Variants in FANK1 observed in about 807,000 individuals in gnomAD.
The protein encoded by FANK1 is fibronectin type III and ankyrin repeat domains 1.
In FANK1, 44 loss-of-function variants were observed where a neutral mutation model predicts 45.3. That is an observed-to-expected ratio of 0.97 (90% confidence interval 0.76 to 1.25). The LOEUF (loss-of-function observed/expected upper bound fraction) is 1.25. Among genes scored for constraint, FANK1 ranks in the 50% most tolerant of loss-of-function variants. The pLI is 0.00. For synonymous variants in FANK1, 149 were observed against 152.5 expected, an observed-to-expected ratio of 0.98 and a Z score of 0.17; for missense variants, 391 against 424.4, an observed-to-expected ratio of 0.92 and a Z score of 0.69.
chr10:125,991,646 T>TC (rs976155836), intron 3 of FANK1, among the ~76,000 whole-genome samples: 4 of 151,768 alleles, frequency 2.6e-5, no homozygotes, highest in East Asian at 1.9e-4. Flanking sequence ...GCCTTTTTTT[T>TC]CCCCCCAGGT....
At chr10:125,929,573 A>G (rs1256421487) in intron 1 of FANK1, among the ~76,000 whole-genome samples, 1 of 152,186 alleles carries the variant, frequency 6.6e-6, no homozygotes, top group African/African-American at 2.4e-5. Flanking sequence ...GATCTTTATG[A>G]AAAATTTTAC....
intron 1 of FANK1, among the ~76,000 whole-genome samples, chr10:125,952,616 C>G (rs1564907616): frequency 6.6e-6 from 1 of 152,036 alleles, no homozygotes; most frequent in Non-Finnish European, 1.5e-5. Flanking sequence ...TTTCCAGCAG[C>G]TCAGGTGTCA....
At chr10:125,912,245 A>G (rs1946073836) in intron 1 of FANK1, among the ~76,000 whole-genome samples, 2 of 152,210 alleles carry the variant, frequency 1.3e-5, no homozygotes, top group Admixed American at 1.3e-4. Flanking sequence ...CACATGAGAT[A>G]AACCTGTTTG....
intron 8 of FANK1, 118 bp from the exon 9 acceptor site, chr10:126,008,936 G>T: frequency 1.1e-6 from 1 of 879,568 alleles, no homozygotes; most frequent in East Asian, 2.5e-5. Flanking sequence ...AAGCCACAGT[G>T]GTCTTTTGGG....
rs560535602 is a variant in FANK1 at position 125,933,034 on chromosome 10, A to G, written c.13+36379A>G. Among the ~76,000 whole-genome samples the G allele has an allele frequency of 1.3e-5, 2 of 152,288 alleles. 1 individual carries two copies. Among genetic ancestry groups the G allele is most frequent in the East Asian group, 3.9e-4 (2 of 5,172 alleles). On this transcript the variant is annotated intron_variant, in intron 1 of 10. Transcript: ENST00000368693. Reference sequence around the variant, plus strand: ...CTTGCATATGTTAAACCATCCCTGCATCCCTGGTATGAAATCCATTTGATC... The same window carrying G: ...CTTGCATATGTTAAACCATCCCTGCGTCCCTGGTATGAAATCCATTTGATC...
intron 1 of FANK1, among the ~76,000 whole-genome samples, chr10:125,928,494 T>A (rs1169879571): frequency 2.0e-5 from 3 of 152,160 alleles, no homozygotes; most frequent in Non-Finnish European, 2.9e-5. Flanking sequence ...ATCCTATAAC[T>A]AAGAATTTCA....
At chr10:125,968,951 C>T (rs1950330290) in intron 1 of FANK1, among the ~76,000 whole-genome samples, 1 of 152,148 alleles carries the variant, frequency 6.6e-6, no homozygotes, top group African/African-American at 2.4e-5. Context: ...CCATTTATTA[C>T]TTGACAAGTG....
At chr10:126,004,584 G>T in intron 6 of FANK1, 1 of 315,742 alleles carries the variant, frequency 3.2e-6, no homozygotes, top group Non-Finnish European at 6.1e-6. Context: ...AGATGTGCCT[G>T]TTCTGGACAT....
At chr10:125,979,908 C>G in intron 1 of FANK1, 2 of 599,450 alleles carry the variant, frequency 3.3e-6, no homozygotes, top group South Asian at 3.1e-5. Context: ...TTGGAAGGGT[C>G]AGTGGGGGTG....
chr10:125,927,028 T>C (rs1311637689), intron 1 of FANK1, among the ~76,000 whole-genome samples: 2 of 152,204 alleles, frequency 1.3e-5, no homozygotes, highest in African/African-American at 4.8e-5. Context: ...TCTTACCTCC[T>C]CTCGAGGCAG....
chr10:125,932,551 G>A (rs1947821788), intron 1 of FANK1, among the ~76,000 whole-genome samples: 1 of 151,774 alleles, frequency 6.6e-6, no homozygotes. Context: ...ACATTGATTT[G>A]TGTACATTAA....
chr10:125,898,008 A>AG (rs1944705920), intron 1 of FANK1, among the ~76,000 whole-genome samples: 1 of 95,524 alleles, frequency 1.0e-5, no homozygotes, highest in Non-Finnish European at 2.3e-5. Context: ...CAAAAAAAAA[A>AG]AAAAAAAAAA....
At chr10:125,997,544 T>C in intron 6 of FANK1, 59 bp downstream of exon 6, 1 of 1,531,780 alleles carries the variant, frequency 6.5e-7, no homozygotes, top group Non-Finnish European at 9.0e-7. Flanking sequence ...GTTGCTAGGC[T>C]TGTGCCCAGA....
chr10:126,007,359 G>GTGTGTAAAGAGGGTTGAAAGC (rs1279172550), intron 7 of FANK1, among the ~76,000 whole-genome samples: 1 of 152,254 alleles, frequency 6.6e-6, no homozygotes, highest in East Asian at 1.9e-4. Context: ...AAGAGAAAGT[G>GTGTGTAAAGAGGGTTGAAAGC]TGTGTAAAGA....
chr10:125,964,281 C>T (rs1031272258), intron 1 of FANK1, among the ~76,000 whole-genome samples: 2 of 149,664 alleles, frequency 1.3e-5, no homozygotes, highest in African/African-American at 4.9e-5. Flanking sequence ...CAACCTCCAC[C>T]TCCTGGACTC....
chr10:125,933,796 C>G (rs1947903059), intron 1 of FANK1, among the ~76,000 whole-genome samples: 1 of 152,122 alleles, frequency 6.6e-6, no homozygotes, highest in Non-Finnish European at 1.5e-5. Context: ...CTTAGCACCA[C>G]CTTTGCTGTA....
At chr10:125,984,620 G>A (rs1192940996) in intron 2 of FANK1, among the ~76,000 whole-genome samples, 1 of 152,166 alleles carries the variant, frequency 6.6e-6, no homozygotes, top group South Asian at 2.1e-4. Context: ...AAGGGTCTGG[G>A]TTGGAGAGAC....
At chr10:125,934,382 T>G (rs537953865) in intron 1 of FANK1, among the ~76,000 whole-genome samples, 2 of 152,274 alleles carry the variant, frequency 1.3e-5, no homozygotes, top group African/African-American at 2.4e-5. Context: ...CTGCCTGTTT[T>G]GGGGCAGCAT....
chr10:125,962,736 A>G (rs941505916), intron 1 of FANK1, among the ~76,000 whole-genome samples: 1 of 152,066 alleles, frequency 6.6e-6, no homozygotes, highest in Non-Finnish European at 1.5e-5. Context: ...TAATTGTGTC[A>G]TAGATGTCAT....
Sources: gnomAD v4.1 joint callset for allele counts (sites outside exome capture counted in the v4.1 genomes callset) on GRCh38, gnomAD v4.1.1 for gene constraint, MANE v1.5 for transcripts, NCBI Gene and HGNC (gene_info 2026-07-23, HGNC 2026-07-21) for gene names.